Variants in STRBP observed in about 807,000 individuals in gnomAD.
STRBP encodes spermatid perinuclear RNA binding protein.
A neutral mutation model predicts 80.1 loss-of-function variants in STRBP; 13 were observed. The ratio of observed to expected loss-of-function variants is 0.16; its 90% CI spans 0.11 to 0.26. The LOEUF is 0.26. Ranked by LOEUF, STRBP falls within the 10% of genes least tolerant of loss-of-function variation. The pLI, the probability that STRBP is intolerant of heterozygous loss-of-function variation, is 1.00. For synonymous variants in STRBP, 284 were observed against 291.2 expected (o/e 0.98, Z 0.25); for missense variants, 485 against 815.2 (o/e 0.59, Z 4.93).
chr9:123,127,893 T>C (rs1199324562), intron 18 of STRBP, among the ~76,000 whole-genome samples: 2 of 152,230 alleles, frequency 1.3e-5, no homozygotes, highest in Admixed American at 6.5e-5. Context: ...AGCTAGCAAC[T>C]GAGTATGGCC....
chr9:123,146,991 C>T lies in STRBP; in HGVS notation c.1202G>A (p.Gly401Glu), dbSNP rs1308550124. 4 of 1,613,882 alleles carry T rather than the reference C, an allele frequency of 2.5e-6. No individual in the cohort carries two copies. The highest frequency in any genetic ancestry group is 8.5e-7 in the Non-Finnish European group (1 of 1,179,934). ...ALMRLNQIRPGLQYKLLSQSG... is the reference protein window; with the variant it reads ...ALMRLNQIRPELQYKLLSQSG... ...CTGAGATAGGAGCTTATACTGAAGCCCAGGCCTGATCTGATTTAGCCTCAT... is the reference window on the plus strand; with the variant it reads ...CTGAGATAGGAGCTTATACTGAAGCTCAGGCCTGATCTGATTTAGCCTCAT... The change falls in exon 13 of 19, where the codon GGG (glycine) becomes GAG (glutamate). Residue 401 changes from glycine (G) to glutamate (E), a missense_variant. By Grantham distance (98) the Gly-to-Glu change is moderately conservative. Transcript: ENST00000348403.
chr9:123,152,276 G>C (rs1257701220), intron 11 of STRBP, among the ~76,000 whole-genome samples: 1 of 152,024 alleles, frequency 6.6e-6, no homozygotes, highest in Non-Finnish European at 1.5e-5. Context: ...GAAGGAATAG[G>C]TCCTAACTTA....
downstream of STRBP, among the ~76,000 whole-genome samples, chr9:123,117,791 G>A (rs192339468): frequency 2.0e-3 from 312 of 152,292 alleles, 4 homozygotes; most frequent in Non-Finnish European, 1.2e-3. Context: ...CCTATCTCAG[G>A]CCAGGCAGAG....
rs556648129 is a variant in STRBP, at chr9:123,161,319, C to G, written c.536-251G>C. Among the ~76,000 whole-genome samples the G allele has an allele frequency of 1.2e-4, 18 of 152,218 alleles. No homozygotes were observed. The East Asian group carries it at 2.9e-3, about 24-fold the overall frequency. Reference sequence around the variant, plus strand: ...AAACATGAAAAATTCATTCAGTAAACAAATCAATGACAGCTGCTACTTAAA... The same window carrying G: ...AAACATGAAAAATTCATTCAGTAAAGAAATCAATGACAGCTGCTACTTAAA... On this transcript the variant is annotated intron_variant, in intron 6 of 18. Transcript: ENST00000348403.
At chr9:123,256,415 T>C (rs2041032147) in intron 1 of STRBP, among the ~76,000 whole-genome samples, 1 of 152,176 alleles carries the variant, frequency 6.6e-6, no homozygotes, top group Non-Finnish European at 1.5e-5. Context: ...CTTGATAGGT[T>C]CTTGGAAACT....
chr9:123,164,343 G>A (rs188631296), intron 6 of STRBP, among the ~76,000 whole-genome samples: 5 of 152,230 alleles, frequency 3.3e-5, no homozygotes, highest in African/African-American at 9.6e-5. Context: ...CACCGCACCC[G>A]GCCAGAAATA....
chr9:123,253,183 C>G (rs994833381), intron 1 of STRBP, among the ~76,000 whole-genome samples: 11 of 152,192 alleles, frequency 7.2e-5, no homozygotes, highest in Admixed American at 3.3e-4. Context: ...CATATAAAGA[C>G]TCATTAAAAG....
intron 4 of STRBP, among the ~76,000 whole-genome samples, chr9:123,175,182 T>A (rs1271653156): frequency 6.6e-6 from 1 of 152,204 alleles, no homozygotes; most frequent in Non-Finnish European, 1.5e-5. Context: ...AAAGCCTAAA[T>A]TCAAACCTAA....
intron 1 of STRBP, among the ~76,000 whole-genome samples, chr9:123,248,272 T>G (rs1439253129): frequency 2.1e-5 from 3 of 143,622 alleles, no homozygotes; most frequent in Non-Finnish European, 4.6e-5. Flanking sequence ...TTTTTTTTTT[T>G]TTTTTTTTTT....
At chr9:123,205,588 C>A (rs979135555) in intron 2 of STRBP, among the ~76,000 whole-genome samples, 1 of 152,094 alleles carries the variant, frequency 6.6e-6, no homozygotes, top group Non-Finnish European at 1.5e-5. Context: ...TTCAGCTTAG[C>A]AAAATAAATA....
At chr9:123,145,943 TGTC>T (rs1238789327) in intron 13 of STRBP, among the ~76,000 whole-genome samples, 2 of 152,150 alleles carry the variant, frequency 1.3e-5, no homozygotes, top group Non-Finnish European at 2.9e-5. Flanking sequence ...CACACTTTGT[TGTC>T]TATCTTCCCA....
chr9:123,222,904 T>C (rs2040111180), intron 2 of STRBP, among the ~76,000 whole-genome samples: 1 of 151,768 alleles, frequency 6.6e-6, no homozygotes, highest in Admixed American at 6.6e-5. Flanking sequence ...GCTTTATTTA[T>C]AATCATCAGA....
At position 123,115,326 on chromosome 9, in the gene STRBP, C is replaced by T. The variant is rs936033063; in HGVS notation, c.*84+603G>A. The T allele has an allele frequency of 2.1e-6, 1 of 471,118 alleles. No individual in the cohort carries two copies. 29.2% of individuals were successfully genotyped at this position (471,118 alleles called of 1,614,324 possible). A position where few individuals can be genotyped will look rare whatever the true frequency, so the allele number is the denominator to read the frequency against. Reference sequence around the variant, plus strand: ...GCACTTCTCTCCTGAGGCCTGGCTCCTCTCCTGCCCTCGGCGGGAGACCTG... The same window carrying T: ...GCACTTCTCTCCTGAGGCCTGGCTCTTCTCCTGCCCTCGGCGGGAGACCTG... On this transcript the variant is annotated intron_variant and NMD_transcript_variant, in intron 3 of 3. Coordinates refer to the STRBP transcript ENST00000471564. This position sits in a 1 kb window ranked among gnomAD's most constrained non-coding sequence, Gnocchi z 5.0.
In STRBP at chr9:123,122,663, A is replaced by T; in HGVS notation, c.*2934T>A. On this transcript the variant is annotated 3_prime_UTR_variant, in exon 19 of 19. Transcript: ENST00000348403. ...ATGGGGTACTCCTGCAGCCTGAAGA[A>T]ACACAAGCTGCAAGCCACATCCCTG... The T allele has an allele frequency of 9.8e-7, 1 of 1,019,074 alleles. No homozygotes were observed. Among genetic ancestry groups the T allele is most frequent in the Non-Finnish European group, 1.2e-6 (1 of 851,716 alleles). 63.1% of individuals were successfully genotyped at this position (1,019,074 alleles called of 1,614,324 possible). A position where few individuals can be genotyped will look rare whatever the true frequency, so the allele number is the denominator to read the frequency against.
At chr9:123,200,973 G>A (rs576881980) in intron 2 of STRBP, among the ~76,000 whole-genome samples, 2 of 151,766 alleles carry the variant, frequency 1.3e-5, no homozygotes, top group South Asian at 4.2e-4. Flanking sequence ...AAGGTTGTAC[G>A]TTTCCAGGAA....
In STRBP at chr9:123,136,074, C is replaced by T. The variant is rs747088153; in HGVS notation, c.1740G>A (p.Ala580=). The change falls in exon 16 of 19, where the codon GCG becomes GCA. Residue 580 remains alanine (A), a synonymous_variant. Coordinates refer to ENST00000348403, the MANE Select transcript of STRBP (RefSeq NM_018387.5). The surrounding 1 kb of genome is among the most constrained non-coding windows in gnomAD (Gnocchi z 4.2). ...TAATCTTCTTTTTCTTATTATTTGC[C>T]GCATTGGGTCCAGAAAACAGTTTCT... ...ALEKLFSGPN[A]ANNKKKKIIP... is the part of the protein sequence containing the mutation. The T allele has an allele frequency of 8.9e-5, 143 of 1,614,060 alleles. No homozygotes were observed. The highest frequency in any genetic ancestry group is 3.3e-4 in the Middle Eastern group (2 of 6,062).
chr9:123,156,167 TTGG>T (rs2037276651), intron 11 of STRBP, among the ~76,000 whole-genome samples: 1 of 152,114 alleles, frequency 6.6e-6, no homozygotes, highest in African/African-American at 2.4e-5. Flanking sequence ...GGTTGTGAAT[TTGG>T]TGATTGAAAT....
Position 123,221,772 on chromosome 9 carries a change from A to C in STRBP, c.-165+15058T>G, listed in dbSNP as rs578079805. On this transcript the variant is annotated intron_variant, in intron 2 of 18. Transcript: ENST00000348403. ...ACAAAGGTGATGGTGCATAGCTCTT[A>C]CTGCATCAAGTCAGGGGGTACTTGA... Among the ~76,000 whole-genome samples the C allele has an allele frequency of 3.3e-5, 5 of 152,332 alleles. No homozygotes were observed. The East Asian group carries it at 9.6e-4, about 29-fold the overall frequency.
At chr9:123,211,519 GT>G (rs1470811878) in intron 2 of STRBP, among the ~76,000 whole-genome samples, 1 of 152,040 alleles carries the variant, frequency 6.6e-6, no homozygotes, top group East Asian at 1.9e-4. Context: ...GGATAAACAA[GT>G]GCTTATTGCA....
Sources: gnomAD v4.1 joint callset for allele counts (sites outside exome capture counted in the v4.1 genomes callset) on GRCh38, gnomAD v4.1.1 for gene constraint, Gnocchi (gnomAD v3.1) non-coding constraint, MANE v1.5 for transcripts, NCBI Gene and HGNC (gene_info 2026-07-23, HGNC 2026-07-21) for gene names.